IPO7: variants seen among roughly 807,000 people sequenced by gnomAD.
The protein encoded by IPO7 is importin-7.
IPO7 carries 13 observed loss-of-function variants against 136.4 expected under a neutral mutation model. The observed-to-expected ratio is 0.10, with a 90% confidence interval of 0.06 to 0.15. The LOEUF (loss-of-function observed/expected upper bound fraction) is 0.15, where lower values mean the gene tolerates loss of function less well. Among genes scored for constraint, IPO7 ranks in the 10% least tolerant of loss-of-function variants. IPO7 has a pLI of 1.00. For synonymous variants in IPO7, 403 were observed against 404.4 expected (o/e 1.00, Z 0.04); for missense variants, 857 against 1,240.6 (o/e 0.69, Z 4.65).
chr11:9,410,962 T>A (rs1375237990), intron 4 of IPO7, among the ~76,000 whole-genome samples: 1 of 152,222 alleles, frequency 6.6e-6, no homozygotes, highest in East Asian at 1.9e-4. Flanking sequence ...GCTGATGAAC[T>A]GCTGCTTTTA....
chr11:9,424,203 C>G (rs1471121305), intron 10 of IPO7, among the ~76,000 whole-genome samples: 1 of 152,142 alleles, frequency 6.6e-6, no homozygotes, highest in East Asian at 1.9e-4. Flanking sequence ...AATGAGAAAA[C>G]ACATCTAGGA....
At chr11:9,389,439 G>C (rs146838659) in intron 1 of IPO7, among the ~76,000 whole-genome samples, 1 of 152,302 alleles carries the variant, frequency 6.6e-6, no homozygotes, top group African/African-American at 2.4e-5. Flanking sequence ...GCAAATGTCT[G>C]TGTGCTAGGC....
chr11:9,398,630 T>C (rs1463397702), intron 1 of IPO7, among the ~76,000 whole-genome samples: 1 of 152,228 alleles, frequency 6.6e-6, no homozygotes, highest in African/African-American at 2.4e-5. Context: ...ATAATACATA[T>C]CTATGGGATA....
At chr11:9,437,690 A>G in intron 20 of IPO7, 64 bp from the exon 21 acceptor site, 1 of 1,214,358 alleles carries the variant, frequency 8.2e-7, no homozygotes, top group Non-Finnish European at 1.2e-6. Flanking sequence ...AGAAGTTAAT[A>G]TTTTTAGAAT....
intron 24 of IPO7, among the ~76,000 whole-genome samples, chr11:9,443,918 C>A (rs145203366): frequency 4.0e-4 from 61 of 150,960 alleles, no homozygotes; most frequent in African/African-American, 1.3e-3. Flanking sequence ...TAAAAACTTA[C>A]GAAGTTAAAT....
At chr11:9,414,207 A>G (rs377622731) in intron 4 of IPO7, 48 bp from the exon 5 acceptor site, 223 of 1,372,544 alleles carry the variant, frequency 1.6e-4, no homozygotes, top group Non-Finnish European at 2.2e-4. Flanking sequence ...TATATATACA[A>G]TTGTGGAAAT....
rs1855526747 is a variant in IPO7, at chr11:9,446,314, A to G, written c.*1120A>G. On this transcript the variant is annotated 3_prime_UTR_variant, in exon 25 of 25. Transcript: ENST00000379719. Reference sequence around the variant, plus strand: ...TTTTAATCCTGTGCCTAGAAGGAGTACAAAATGCACACTTTACAAAATTGA... The same window carrying G: ...TTTTAATCCTGTGCCTAGAAGGAGTGCAAAATGCACACTTTACAAAATTGA... 1 of 152,212 alleles carries G rather than the reference A, an allele frequency of 6.6e-6. No homozygotes were observed. Among genetic ancestry groups the G allele is most frequent in the East Asian group, 1.9e-4 (1 of 5,204 alleles). 9.4% of individuals were successfully genotyped at this position (152,212 alleles called of 1,614,324 possible). A position where few individuals can be genotyped will look rare whatever the true frequency, so the allele number is the denominator to read the frequency against.
At chr11:9,438,045 G>GTTTTTTTTTTTTTT (rs202038310) in intron 21 of IPO7, 35 bp from the exon 22 acceptor site, 64 of 1,093,632 alleles carry the variant, frequency 5.9e-5, no homozygotes, top group South Asian at 1.8e-4. Context: ...AAAGAAAACA[G>GTTTTTTTTTTTTTT]TTTTTTTTTT....
At chr11:9,423,281 A>G in intron 9 of IPO7, 141 bp downstream of exon 9, 1 of 522,390 alleles carries the variant, frequency 1.9e-6, no homozygotes, top group South Asian at 3.8e-5. Flanking sequence ...TATAGCAGAA[A>G]AAGGAGATAA....
At position 9,393,676 on chromosome 11, in the gene IPO7, C is replaced by T. The variant is rs111869477; in HGVS notation, c.84+8829C>T. Among the ~76,000 whole-genome samples, 434 of 152,166 alleles carry T rather than the reference C, an allele frequency of 2.9e-3. 3 individuals are homozygous for T. The highest frequency in any genetic ancestry group is 0.01 in the Middle Eastern group (3 of 294). ...GGGATTACAGGCGTGAGCCACCACA[C>T]CAGGCCTAATTTCCTTTTTCTTACA... On this transcript the variant is annotated intron_variant, in intron 1 of 24. Coordinates refer to ENST00000379719, the MANE Select transcript of IPO7 (RefSeq NM_006391.3).
At position 9,420,423 on chromosome 11, in the gene IPO7, G is replaced by A. The variant is rs1855110613; in HGVS notation, c.739G>A (p.Val247Ile). The change falls in exon 7 of 25, where the codon GTT becomes ATT. Residue 247 changes from valine to isoleucine, a missense_variant. By Grantham distance (29) the Val-to-Ile change is conservative. Around this residue, in one of 11 missense-constraint regions of IPO7, gnomAD observed 287 missense variants for 307.5 expected, o/e 0.93. Transcript: ENST00000379719. Reference protein sequence around the residue: ...NRDVPNETLQVEEDDRPELPW... With the variant: ...NRDVPNETLQIEEDDRPELPW... ...TGTCTTTTTAAAGGAAACACTTCAA[G>A]TTGAAGAAGATGATCGACCTGAGTT... 19 of 1,607,386 alleles carry A rather than the reference G, an allele frequency of 1.2e-5. No homozygotes were observed. The highest frequency in any genetic ancestry group is 1.5e-5 in the Non-Finnish European group (18 of 1,175,824).
intron 20 of IPO7, among the ~76,000 whole-genome samples, chr11:9,436,674 GTTTGTTTTTTGTTT>G (rs921766356): frequency 6.0e-5 from 9 of 149,474 alleles, no homozygotes; most frequent in African/African-American, 2.2e-4. Context: ...GTTTTGTTTT[GTTTGTTTTTTGTTT>G]TTTGTTTTTT....
Position 9,442,168 on chromosome 11 carries a change from C to T in IPO7, c.2990C>T (p.Thr997Ile). 1.9e-6 allele frequency: 3 copies of T among 1,597,866 alleles called. 1 individual carries two copies. Among genetic ancestry groups the T allele is most frequent in the South Asian group, 2.2e-5 (2 of 90,576 alleles). The change falls in exon 24 of 25, where the codon ACT becomes ATT. Residue 997 changes from threonine (T) to isoleucine (I), a missense_variant. Transcript: ENST00000379719. ...EQRKQLQDIA[T>I]LADQRRAAHE... ...AGAAAACAGTTACAGGACATAGCAA[C>T]TCTGGCTGATCAAAGAAGAGCAGCC... is the stretch of plus-strand genomic sequence containing the variant.
chr11:9,403,874 A>C (rs923612034), intron 2 of IPO7, among the ~76,000 whole-genome samples: 1 of 151,768 alleles, frequency 6.6e-6, no homozygotes, highest in Non-Finnish European at 1.5e-5. Flanking sequence ...AATTTTTTTT[A>C]TTTTTTGTAG....
In IPO7 at chr11:9,408,526, T is replaced by C; in HGVS notation, c.207T>C (p.Pro69=). ...AAAATATGATAACACAGTATTGGCCTGATCGAGAAACAGCACCAGGGGATA... is the reference window on the plus strand; with the variant it reads ...AAAATATGATAACACAGTATTGGCCCGATCGAGAAACAGCACCAGGGGATA... ...YLKNMITQYW[P]DRETAPGDIS... The change falls in exon 3 of 25, where the codon CCT becomes CCC. Residue 69 remains proline, a synonymous_variant. Coordinates refer to ENST00000379719, the MANE Select transcript of IPO7 (RefSeq NM_006391.3). The C allele has an allele frequency of 6.2e-7, 1 of 1,603,894 alleles. No individual in the cohort carries two copies. Among genetic ancestry groups the C allele is most frequent in the Non-Finnish European group, 8.5e-7 (1 of 1,176,260 alleles).
At chr11:9,422,139 T>C (rs375084414) in intron 8 of IPO7, among the ~76,000 whole-genome samples, 1 of 151,634 alleles carries the variant, frequency 6.6e-6, no homozygotes, top group African/African-American at 2.4e-5. Context: ...ATCAGCCAGG[T>C]GTGGTGGTGC....
rs1382391827 is a variant in IPO7 at position 9,437,754 on chromosome 11, T to G, written c.2269T>G (p.Cys757Gly). Residue 757 changes from cysteine to glycine, a missense_variant and splice_region_variant, in exon 21 of 25, where the codon TGC (cysteine) becomes GGC (glycine). By Grantham distance (159) the Cys-to-Gly change is radical. This residue lies in a region of IPO7 where 190 missense variants were observed against 249.0 expected (regional missense o/e 0.76). Transcript: ENST00000379719. ...LQCKGRGIDQ[C>G]IPLFVEAALE... ...AATATCTTGCTATCTTTTTTTGTAG[T>G]GCATTCCCTTATTCGTGGAAGCAGC... 6.2e-7 allele frequency: 1 copy of G among 1,605,674 alleles called. No individual in the cohort carries two copies. The highest frequency in any genetic ancestry group is 8.5e-7 in the Non-Finnish European group (1 of 1,172,966).
chr11:9,436,484 A>C (rs1265529686), intron 20 of IPO7, 118 bp downstream of exon 20: 3 of 599,754 alleles, frequency 5.0e-6, no homozygotes, highest in African/African-American at 1.9e-5. Flanking sequence ...TGAGACATCT[A>C]GACAACTAAT....
intron 1 of IPO7, among the ~76,000 whole-genome samples, chr11:9,400,242 T>C (rs984177088): frequency 7.2e-5 from 11 of 152,230 alleles, no homozygotes; most frequent in African/African-American, 2.7e-4. Flanking sequence ...GTTGAATTCA[T>C]GGATTTGAAA....
Sources: allele counts gnomAD v4.1 joint callset (sites outside exome capture counted in the v4.1 genomes callset), GRCh38; gene constraint gnomAD v4.1.1; regional missense constraint gnomAD v4.1.1; transcripts MANE v1.5; gene names NCBI Gene and HGNC (gene_info 2026-07-23, HGNC 2026-07-21).